PCDHGA3: variants seen among roughly 807,000 people sequenced by gnomAD.
The protein encoded by PCDHGA3 is protocadherin gamma subfamily A, 3.
PCDHGA3 carries 40 observed loss-of-function variants against 58.5 expected under a neutral mutation model. The ratio of observed to expected loss-of-function variants is 0.68; its 90% confidence interval spans 0.53 to 0.89. The LOEUF (loss-of-function observed/expected upper bound fraction) is 0.89, where lower values mean the gene tolerates loss of function less well. Ranked by LOEUF, PCDHGA3 falls within the 40% of genes least tolerant of loss-of-function variation. The probability of loss-of-function intolerance (pLI) is 0.00; values close to 1 mark genes in which losing one functional copy is unlikely to be tolerated. For missense variants in PCDHGA3, 1,223 were observed against 1,195.9 expected (o/e 1.02, Z -0.33); for synonymous variants, 530 against 525.7 (o/e 1.01, Z -0.11).
chr5:141,414,066 A>G, intron 1 of PCDHGA3: 2 of 1,608,358 alleles, frequency 1.2e-6, no homozygotes, highest in African/African-American at 1.3e-5. Context: ...TGAAGTTCCA[A>G]CTAAACAAAT....
At chr5:141,360,543 T>C (rs369225043) in intron 1 of PCDHGA3, 1 of 1,613,834 alleles carries the variant, frequency 6.2e-7, no homozygotes, top group Non-Finnish European at 8.5e-7. Flanking sequence ...TCAAACAGAC[T>C]AAGATTAATT....
intron 1 of PCDHGA3, chr5:141,356,920 G>C (rs964262114): frequency 6.2e-7 from 1 of 1,613,924 alleles, no homozygotes; most frequent in South Asian, 1.1e-5. Flanking sequence ...TGGCTCCACT[G>C]GTGTGGAGCT....
At chr5:141,362,570 A>T (rs1444834123) in intron 1 of PCDHGA3, 1 of 1,606,622 alleles carries the variant, frequency 6.2e-7, no homozygotes, top group Non-Finnish European at 8.5e-7. Flanking sequence ...AGCTTTAATT[A>T]ATTTATTTTC....
At chr5:141,391,398 A>G (rs924962931) in intron 1 of PCDHGA3, 11 of 151,014 alleles carry the variant, frequency 7.3e-5, no homozygotes, top group Middle Eastern at 3.4e-3. Flanking sequence ...CTCCAGCCTC[A>G]AACTCCTGGG....
Position 141,491,536 on chromosome 5 carries a change from C to T in PCDHGA3, c.2425-3271C>T, listed in dbSNP as rs746800813. 1.2e-6 allele frequency: 2 copies of T among 1,614,006 alleles called. No individual in the cohort carries two copies. Among genetic ancestry groups the T allele is most frequent in the Admixed American group, 3.3e-5 (2 of 60,030 alleles). On this transcript the variant is annotated intron_variant, in intron 1 of 3. Coordinates refer to ENST00000253812, the MANE Select transcript of PCDHGA3 (RefSeq NM_018916.4). This position sits in a 1 kb window ranked among gnomAD's most constrained non-coding sequence, Gnocchi z 6.9. ...CAAGTACATGGAGGTGACGCTGCGG[C>T]CCACAGACTCGCAGAGCCACTGCTA...
chr5:141,436,877 A>G (rs2097851127), intron 1 of PCDHGA3, among the ~76,000 whole-genome samples: 1 of 152,252 alleles, frequency 6.6e-6, no homozygotes, highest in Admixed American at 6.5e-5. Flanking sequence ...AGGCCATAAA[A>G]GATGGGGGAA....
intron 1 of PCDHGA3, chr5:141,419,680 C>T (rs757026598): frequency 9.3e-6 from 15 of 1,612,946 alleles, no homozygotes; most frequent in Non-Finnish European, 1.3e-5. Flanking sequence ...TGTCCTACCA[C>T]GTGGTGCAGG....
At chr5:141,403,334 G>T (rs2094392979) in intron 1 of PCDHGA3, 2 of 1,613,972 alleles carry the variant, frequency 1.2e-6, no homozygotes, top group Non-Finnish European at 1.7e-6. Flanking sequence ...TGATATTAAC[G>T]ACAGCGCCCC....
chr5:141,372,030 G>A (rs1561553995), intron 1 of PCDHGA3: 1 of 1,613,446 alleles, frequency 6.2e-7, no homozygotes, highest in East Asian at 2.2e-5. Flanking sequence ...CAGCGCCAAC[G>A]TGAGCCTGCG....
intron 1 of PCDHGA3, chr5:141,360,375 A>G (rs780377299): frequency 6.2e-7 from 1 of 1,613,872 alleles, no homozygotes; most frequent in Non-Finnish European, 8.5e-7. Context: ...TAAACCCAGA[A>G]AGCGGAGACT....
At position 141,485,709 on chromosome 5, in the gene PCDHGA3, C is replaced by A. The variant is rs2099618118; in HGVS notation, c.2425-9098C>A. On this transcript the variant is annotated intron_variant, in intron 1 of 3. Transcript: ENST00000253812. This position sits in a 1 kb window ranked among gnomAD's most constrained non-coding sequence, Gnocchi z 5.7. ...AGGCTGAGCTCCAATGAACACTTTGCACTGGATGTGAAGAAGCGCAGCGAC... is the reference window on the plus strand; with the variant it reads ...AGGCTGAGCTCCAATGAACACTTTGAACTGGATGTGAAGAAGCGCAGCGAC... The A allele has an allele frequency of 1.2e-6, 2 of 1,614,128 alleles. No homozygotes were observed. The highest frequency in any genetic ancestry group is 1.7e-6 in the Non-Finnish European group (2 of 1,180,028).
intron 1 of PCDHGA3, chr5:141,417,834 G>A (rs1382990900): frequency 2.0e-6 from 3 of 1,530,144 alleles, no homozygotes; most frequent in Middle Eastern, 3.5e-4. Context: ...GGAAAAGCGG[G>A]GACCCAGCGA....
intron 1 of PCDHGA3, chr5:141,384,793 C>T (rs1780512284): frequency 1.9e-6 from 3 of 1,613,400 alleles, no homozygotes; most frequent in Non-Finnish European, 2.5e-6. Flanking sequence ...GGCTCGGGCC[C>T]TGCTGGACAG....
intron 1 of PCDHGA3, chr5:141,395,454 C>T (rs75588357): frequency 0.043 from 25,805 of 605,332 alleles, 669 homozygotes; most frequent in South Asian, 0.075. Flanking sequence ...ATTGTTCAAC[C>T]ATTTTAAGCC....
chr5:141,378,889 T>C (rs185717248), intron 1 of PCDHGA3: 2 of 152,352 alleles, frequency 1.3e-5, no homozygotes, highest in Admixed American at 6.5e-5. Flanking sequence ...ACTAAGGAGA[T>C]AGGAGATTCT....
chr5:141,427,628 G>A (rs1308356581), intron 1 of PCDHGA3: 2 of 700,966 alleles, frequency 2.9e-6, no homozygotes, highest in Admixed American at 2.0e-5. Flanking sequence ...ACAATGCTCC[G>A]GTTTTCCACC....
At chr5:141,499,022 AAGG>A (rs2099788758) in intron 2 of PCDHGA3, among the ~76,000 whole-genome samples, 3 of 150,722 alleles carry the variant, frequency 2.0e-5, no homozygotes, top group Non-Finnish European at 3.0e-5. Context: ...GGAAGGAAGG[AAGG>A]AAGAAAAGAA....
intron 1 of PCDHGA3, chr5:141,376,684 T>TTTTTGTTTTTG: frequency 2.5e-6 from 2 of 809,290 alleles, no homozygotes; most frequent in African/African-American, 1.9e-5. Flanking sequence ...TCGTTTTTTT[T>TTTTTGTTTTTG]TTTTTTTTTT....
In PCDHGA3 at chr5:141,415,247, C is replaced by T. The variant is rs181239359; in HGVS notation, c.2424+68790C>T. The stretch of plus-strand genomic sequence containing the variant: ...GAGTCTCCAGCTAACTCTGAAACCT[C>T]AGACCTCACTCTGTACCTGGTGGTA... On this transcript the variant is annotated intron_variant, in intron 1 of 3. Transcript: ENST00000253812. 958 of 1,614,210 alleles carry T rather than the reference C, an allele frequency of 5.9e-4. 13 individuals are homozygous for T. The East Asian group carries it at 0.015, about 25-fold the overall frequency.
Sources: gnomAD v4.1 joint callset for allele counts (sites outside exome capture counted in the v4.1 genomes callset) on GRCh38, gnomAD v4.1.1 for gene constraint, Gnocchi (gnomAD v3.1) non-coding constraint, MANE v1.5 for transcripts, NCBI Gene and HGNC (gene_info 2026-07-23, HGNC 2026-07-21) for gene names.